The following CDKL1 variants were observed in gnomAD, a reference collection of about 807,000 sequenced individuals.
CDKL1 encodes the protein cyclin dependent kinase like 1.
CDKL1 carries 41 observed loss-of-function variants against 42.0 expected under a neutral mutation model. That is an observed-to-expected ratio of 0.98 (90% confidence interval 0.76 to 1.27). CDKL1 has a LOEUF of 1.27. CDKL1 is among the 50% of genes most tolerant of loss of function. The pLI is 0.00. For missense variants in CDKL1, 394 were observed against 428.4 expected, an observed-to-expected ratio of 0.92 and a Z score of 0.71; for synonymous variants, 153 against 158.6, an observed-to-expected ratio of 0.96 and a Z score of 0.26.
At chr14:50,381,547 T>G (rs1270059630) in intron 2 of CDKL1, among the ~76,000 whole-genome samples, 1 of 152,224 alleles carries the variant, frequency 6.6e-6, no homozygotes. Flanking sequence ...GCCAGTGATG[T>G]GCACCGTGGA....
At chr14:50,369,182 G>T (rs2034518385) in intron 2 of CDKL1, among the ~76,000 whole-genome samples, 2 of 152,016 alleles carry the variant, frequency 1.3e-5, no homozygotes, top group Admixed American at 1.3e-4. Flanking sequence ...CCTTAACCAG[G>T]AAATGTTACT....
chr14:50,360,844 A>C (rs2034224438), intron 2 of CDKL1, among the ~76,000 whole-genome samples: 1 of 150,066 alleles, frequency 6.7e-6, no homozygotes, highest in Non-Finnish European at 1.5e-5. Flanking sequence ...TAGTTCACTT[A>C]ACGTTATGTC....
chr14:50,334,637 G>T lies in CDKL1; in HGVS notation c.739-16C>A. ...CAAGTGGTTCCTGTTGAAAAGAAAA[G>T]AGGTTTTTAATTTACAGCATGTATT... On this transcript the variant is annotated splice_polypyrimidine_tract_variant and intron_variant, in intron 7 of 9. Coordinates refer to ENST00000395834, the MANE Select transcript of CDKL1 (RefSeq NM_004196.7). 2 of 1,522,258 alleles carry T rather than the reference G, an allele frequency of 1.3e-6. No homozygotes were observed. Among genetic ancestry groups the T allele is most frequent in the Non-Finnish European group, 1.8e-6 (2 of 1,096,414 alleles). 94.3% of individuals were successfully genotyped at this position (1,522,258 alleles called of 1,614,324 possible). A position where few individuals can be genotyped will look rare whatever the true frequency, so the allele number is the denominator to read the frequency against.
At chr14:50,355,572 C>T (rs748417992) in intron 3 of CDKL1, among the ~76,000 whole-genome samples, 2 of 152,210 alleles carry the variant, frequency 1.3e-5, no homozygotes, top group Non-Finnish European at 2.9e-5. Context: ...TTCAGTCATT[C>T]TACAAGTACT....
intron 2 of CDKL1, 115 bp downstream of exon 2, chr14:50,395,586 G>A: frequency 1.5e-6 from 1 of 686,332 alleles, no homozygotes; most frequent in Non-Finnish European, 2.4e-6. Context: ...AGCATGGCTT[G>A]AGCCCAGGAG....
intron 2 of CDKL1, among the ~76,000 whole-genome samples, chr14:50,375,340 A>G (rs545355713): frequency 2.9e-4 from 44 of 152,368 alleles, no homozygotes; most frequent in African/African-American, 9.4e-4. Flanking sequence ...GTGGGAGAGT[A>G]GATACATCTC....
At chr14:50,394,833 A>G (rs2035352982) in intron 2 of CDKL1, among the ~76,000 whole-genome samples, 1 of 152,184 alleles carries the variant, frequency 6.6e-6, no homozygotes, top group Admixed American at 6.5e-5. Context: ...GGGTTAACTA[A>G]TAAACATTTG....
Position 50,352,337 on chromosome 14 carries a change from T to A in CDKL1, c.290+6691A>T, listed in dbSNP as rs554654441. Among the ~76,000 whole-genome samples, 326 of 149,616 alleles carry A rather than the reference T, an allele frequency of 2.2e-3. 2 individuals are homozygous for A. Among genetic ancestry groups the A allele is most frequent in the African/African-American group, 4.6e-3 (187 of 40,990 alleles). On this transcript the variant is annotated intron_variant, in intron 3 of 9. Transcript: ENST00000395834. The stretch of plus-strand genomic sequence containing the variant: ...AAGGTAGCACAATTATAAGAAAAAA[T>A]ATATATATATAAATCCATATCTTTG...
At chr14:50,383,171 T>C (rs12587997) in intron 2 of CDKL1, among the ~76,000 whole-genome samples, 126,014 of 151,784 alleles carry the variant, frequency 0.83, 52,763 homozygotes, top group African/African-American at 0.93. Flanking sequence ...TCGTGATCCA[T>C]CTGCCTCGGC....
chr14:50,336,229 C>T, intron 7 of CDKL1: 1 of 1,318,292 alleles, frequency 7.6e-7, no homozygotes. Context: ...GACTGGGGCA[C>T]AGATGTTCAA....
At chr14:50,337,106 T>C (rs1476496223) in intron 7 of CDKL1, among the ~76,000 whole-genome samples, 1 of 151,980 alleles carries the variant, frequency 6.6e-6, no homozygotes, top group African/African-American at 2.4e-5. Flanking sequence ...CCTCCCAAGG[T>C]CAAGCCGTCT....
chr14:50,336,132 T>A (rs1325596108), intron 7 of CDKL1: 1 of 1,365,670 alleles, frequency 7.3e-7, no homozygotes, highest in Admixed American at 1.9e-5. Context: ...ACTGGTTGCC[T>A]GTGATACGCT....
At position 50,326,510 on chromosome 14, in the gene CDKL1, C is replaced by T. The variant is rs2032709476; in HGVS notation, c.*3564G>A. On this transcript the variant is annotated 3_prime_UTR_variant, in exon 10 of 10. Transcript: ENST00000395834. ...TCAGTGGTTGTTGAAGCATGCATTG[C>T]TTCAACAGGATTTGCGTGCATTTCC... 7.1e-6 allele frequency: 7 copies of T among 985,278 alleles called. No individual in the cohort carries two copies. Among genetic ancestry groups the T allele is most frequent in the Non-Finnish European group, 8.4e-6 (7 of 829,944 alleles). The allele number at this position is 985,278 out of a possible 1,614,324, so 61.0% of individuals were successfully genotyped here.
chr14:50,353,626 G>T (rs1264908829), intron 3 of CDKL1, among the ~76,000 whole-genome samples: 1 of 152,108 alleles, frequency 6.6e-6, no homozygotes, highest in African/African-American at 2.4e-5. Flanking sequence ...TTATCAATAG[G>T]AGATTGAACT....
intron 3 of CDKL1, among the ~76,000 whole-genome samples, chr14:50,356,354 A>G (rs2000089): frequency 0.41 from 62,472 of 152,094 alleles, 13,103 homozygotes; most frequent in East Asian, 0.63. Flanking sequence ...AAGGTCACAC[A>G]GATAATGCTA....
intron 2 of CDKL1, among the ~76,000 whole-genome samples, chr14:50,377,124 C>T (rs918950258): frequency 9.2e-5 from 14 of 152,174 alleles, no homozygotes; most frequent in Non-Finnish European, 7.3e-5. Flanking sequence ...TTCAGCCCAT[C>T]TTTTAATTGA....
intron 3 of CDKL1, among the ~76,000 whole-genome samples, chr14:50,351,127 C>T (rs1388641618): frequency 6.6e-6 from 1 of 151,994 alleles, no homozygotes; most frequent in Non-Finnish European, 1.5e-5. Context: ...GTCTAGATTT[C>T]TGTGTGATTA....
intron 2 of CDKL1, among the ~76,000 whole-genome samples, chr14:50,387,535 A>G (rs928740432): frequency 5.3e-5 from 8 of 151,066 alleles, no homozygotes; most frequent in African/African-American, 1.9e-4. Flanking sequence ...AAAAAAAAAA[A>G]GACTGAAAAC....
chr14:50,346,659 T>TGTG (rs1566582901), intron 3 of CDKL1, among the ~76,000 whole-genome samples: 1 of 115,942 alleles, frequency 8.6e-6, no homozygotes, highest in Non-Finnish European at 1.9e-5. Flanking sequence ...TTGGTTTTTT[T>TGTG]TTTTTTTTTG....
Sources: gnomAD v4.1 joint callset for allele counts (sites outside exome capture counted in the v4.1 genomes callset) on GRCh38, gnomAD v4.1.1 for gene constraint, MANE v1.5 for transcripts, NCBI Gene and HGNC (gene_info 2026-07-23, HGNC 2026-07-21) for gene names.